NRXN1: variants seen among roughly 807,000 people sequenced by gnomAD.
NRXN1 encodes the protein neurexin-1.
Under a neutral mutation model 150.9 loss-of-function variants are expected in NRXN1, and 39 were observed. The observed-to-expected ratio is 0.26, with a 90% CI of 0.20 to 0.34. The LOEUF (loss-of-function observed/expected upper bound fraction) is 0.34. Among genes scored for constraint, NRXN1 ranks in the 10% least tolerant of loss-of-function variants. The pLI is 1.00. For synonymous variants in NRXN1, 924 were observed against 757.0 expected (o/e 1.22, Z -3.62); for missense variants, 1,815 against 1,949.9 (o/e 0.93, Z 1.30).
intron 2 of NRXN1, among the ~76,000 whole-genome samples, chr2:50,979,441 A>G (rs923730192): frequency 6.6e-6 from 1 of 152,122 alleles, no homozygotes; most frequent in African/African-American, 2.4e-5. Context: ...TGAAACCAGG[A>G]CAAGAAGCCA....
At chr2:50,007,205 A>C (rs79944261) in intron 21 of NRXN1, among the ~76,000 whole-genome samples, 655 of 62,724 alleles carry the variant, frequency 0.01, 3 homozygotes, top group Middle Eastern at 0.047. Context: ...AATTAGCCAG[A>C]CATAGTAGTG....
intron 9 of NRXN1, among the ~76,000 whole-genome samples, chr2:50,550,870 A>C (rs1667365526): frequency 6.6e-6 from 1 of 151,564 alleles, no homozygotes; most frequent in Non-Finnish European, 1.5e-5. Context: ...TTTAGTAGAG[A>C]CGGGGTTTCA....
intron 14 of NRXN1, among the ~76,000 whole-genome samples, chr2:50,497,055 A>G (rs2091676842): frequency 6.6e-6 from 1 of 152,224 alleles, no homozygotes; most frequent in South Asian, 2.1e-4. Context: ...GGAAATGCCC[A>G]TTTGAATTGT....
chr2:50,875,095 A>C (rs1678374740), intron 5 of NRXN1, among the ~76,000 whole-genome samples: 1 of 151,746 alleles, frequency 6.6e-6, no homozygotes, highest in South Asian at 2.1e-4. Context: ...TTAAAGAGAA[A>C]ATTCTCTAGT....
At chr2:50,118,658 C>G (rs1313873215) in intron 18 of NRXN1, among the ~76,000 whole-genome samples, 2 of 152,056 alleles carry the variant, frequency 1.3e-5, no homozygotes, top group Non-Finnish European at 2.9e-5. Context: ...AAAGCAGGCA[C>G]TAAAAATACC....
intron 8 of NRXN1, chr2:50,616,021 T>C (rs1335751095): frequency 6.6e-6 from 1 of 152,192 alleles, no homozygotes; most frequent in Non-Finnish European, 1.5e-5. Context: ...CCTATTATCT[T>C]CTAAGAATTT....
At chr2:49,938,026 A>C (rs1206988704) in intron 22 of NRXN1, among the ~76,000 whole-genome samples, 2 of 152,212 alleles carry the variant, frequency 1.3e-5, no homozygotes, top group Admixed American at 1.3e-4. Context: ...AAAACCACTG[A>C]AAATTGCATG....
chr2:50,606,992 T>C (rs947288087), intron 8 of NRXN1, among the ~76,000 whole-genome samples: 5 of 152,066 alleles, frequency 3.3e-5, no homozygotes, highest in African/African-American at 1.2e-4. Flanking sequence ...GGGTGGACAG[T>C]AGGGGTGGTG....
chr2:50,127,424 T>C (rs1007158365), intron 18 of NRXN1, among the ~76,000 whole-genome samples: 2 of 152,180 alleles, frequency 1.3e-5, no homozygotes, highest in South Asian at 4.1e-4. Context: ...CTTTTTTTTG[T>C]CACTTGAAAT....
chr2:50,246,944 T>C (rs1211981479), intron 17 of NRXN1, among the ~76,000 whole-genome samples: 1 of 152,108 alleles, frequency 6.6e-6, no homozygotes, highest in Admixed American at 6.6e-5. Context: ...GTGCTTTTAT[T>C]CACTTACTAA....
At chr2:50,470,155 A>T (rs1265201688) in intron 16 of NRXN1, among the ~76,000 whole-genome samples, 1 of 151,728 alleles carries the variant, frequency 6.6e-6, no homozygotes, top group African/African-American at 2.4e-5. Context: ...AATATGTTCC[A>T]TAAGGGATTG....
intron 3 of NRXN1, 109 bp from the exon 4 acceptor site, chr2:50,922,796 C>T (rs373673787): frequency 9.2e-7 from 1 of 1,083,930 alleles, no homozygotes. Flanking sequence ...TCCTATGAGA[C>T]ATGTCTGTAT....
chr2:50,286,887 C>G (rs1458963945), intron 17 of NRXN1, among the ~76,000 whole-genome samples: 1 of 152,042 alleles, frequency 6.6e-6, no homozygotes, highest in Non-Finnish European at 1.5e-5. Flanking sequence ...TACAGCCTGG[C>G]TTTTTGTAAT....
At chr2:50,515,023 G>A (rs971067984) in intron 12 of NRXN1, among the ~76,000 whole-genome samples, 3 of 152,198 alleles carry the variant, frequency 2.0e-5, no homozygotes, top group Non-Finnish European at 2.9e-5. Flanking sequence ...CAGCCTGTTA[G>A]GAAGCATGCC....
chr2:50,040,238 G>A (rs1028086287), intron 21 of NRXN1, among the ~76,000 whole-genome samples: 4 of 151,896 alleles, frequency 2.6e-5, no homozygotes, highest in African/African-American at 9.7e-5. Context: ...TACTAATGTG[G>A]ATACTTAAGA....
chr2:50,543,749 T>C (rs1346419408), intron 9 of NRXN1, among the ~76,000 whole-genome samples: 1 of 152,158 alleles, frequency 6.6e-6, no homozygotes, highest in Admixed American at 6.5e-5. Flanking sequence ...TTATTGTCTG[T>C]TCTACTTCCA....
intron 21 of NRXN1, among the ~76,000 whole-genome samples, chr2:49,991,774 G>A (rs1682008086): frequency 6.6e-6 from 1 of 152,148 alleles, no homozygotes; most frequent in Non-Finnish European, 1.5e-5. Flanking sequence ...AAAAGAACTG[G>A]AATGGCTAAC....
At chr2:50,401,679 A>G (rs1354606000) in intron 17 of NRXN1, among the ~76,000 whole-genome samples, 2 of 152,122 alleles carry the variant, frequency 1.3e-5, no homozygotes, top group Admixed American at 1.3e-4. Flanking sequence ...GGATGGAGCA[A>G]TTATTGCATG....
chr2:50,918,677 A>G (rs1440402913), intron 5 of NRXN1: 1 of 353,306 alleles, frequency 2.8e-6, no homozygotes, highest in Non-Finnish European at 5.2e-6. Context: ...AATTATTGGA[A>G]TGAAGTGACC....
Sources: gnomAD v4.1 joint callset for allele counts (sites outside exome capture counted in the v4.1 genomes callset) on GRCh38, gnomAD v4.1.1 for gene constraint, MANE v1.5 for transcripts, NCBI Gene and HGNC (gene_info 2026-07-23, HGNC 2026-07-21) for gene names.